ENTREP2: variants seen among roughly 807,000 people sequenced by gnomAD.
ENTREP2 encodes protein ENTREP2.
chr15:29,194,409 T>G, the ENTREP2 span, among the ~76,000 whole-genome samples: 1 of 152,252 alleles, frequency 6.6e-6, no homozygotes, highest in Non-Finnish European at 1.5e-5. Context: ...CCACCAGTTT[T>G]GATAGTTCCT....
chr15:29,299,748 A>C, the ENTREP2 span, among the ~76,000 whole-genome samples: 5 of 152,112 alleles, frequency 3.3e-5, no homozygotes, highest in African/African-American at 4.8e-5. Context: ...TGAGGATGTA[A>C]GCTTCATGAG....
At chr15:29,226,924 T>C in the ENTREP2 span, among the ~76,000 whole-genome samples, 1 of 152,210 alleles carries the variant, frequency 6.6e-6, no homozygotes, top group East Asian at 1.9e-4. Flanking sequence ...TTAAAAATAG[T>C]AACAAACAGA....
the ENTREP2 span, among the ~76,000 whole-genome samples, chr15:29,119,162 C>T: frequency 6.6e-6 from 1 of 152,222 alleles, no homozygotes; most frequent in Non-Finnish European, 1.5e-5. Flanking sequence ...CCTCCCTCTT[C>T]CCAGAAAGTA....
chr15:29,466,124 T>G, the ENTREP2 span, among the ~76,000 whole-genome samples: 15 of 152,260 alleles, frequency 9.9e-5, no homozygotes, highest in Non-Finnish European at 1.8e-4. Context: ...AAAACCAAGA[T>G]GATGGCATGA....
chr15:29,462,615 C>CTAA, the ENTREP2 span, among the ~76,000 whole-genome samples: 811 of 151,564 alleles, frequency 5.4e-3, 6 homozygotes, highest in Non-Finnish European at 7.1e-3. Context: ...GATCTCAAAA[C>CTAA]TAATAATAAT....
the ENTREP2 span, among the ~76,000 whole-genome samples, chr15:29,645,180 T>C: frequency 6.6e-6 from 1 of 152,206 alleles, no homozygotes; most frequent in Non-Finnish European, 1.5e-5. Context: ...AAGAAATCCA[T>C]GGCCCTCCAA....
chr15:29,273,065 C>T, the ENTREP2 span, among the ~76,000 whole-genome samples: 1 of 152,026 alleles, frequency 6.6e-6, no homozygotes, highest in African/African-American at 2.4e-5. Context: ...GCATTTAGAG[C>T]GGGTGAGGGT....
chr15:29,368,002 CA>C, the ENTREP2 span, among the ~76,000 whole-genome samples: 3,198 of 98,932 alleles, frequency 0.032, 103 homozygotes, highest in African/African-American at 0.095. Flanking sequence ...CATATTCAGG[CA>C]AAAAAAAAAA....
At chr15:29,387,917 C>T in the ENTREP2 span, among the ~76,000 whole-genome samples, 14,471 of 151,998 alleles carry the variant, frequency 0.095, 1,894 homozygotes, top group African/African-American at 0.3. Flanking sequence ...GCTAGCCATA[C>T]GTAGAAAGCT....
At chr15:29,545,238 C>T in the ENTREP2 span, among the ~76,000 whole-genome samples, 20 of 152,206 alleles carry the variant, frequency 1.3e-4, no homozygotes, top group Admixed American at 1.2e-3. Context: ...ATACATAATG[C>T]AATTATGGAA....
At chr15:29,623,484 A>G in the ENTREP2 span, among the ~76,000 whole-genome samples, 3 of 152,236 alleles carry the variant, frequency 2.0e-5, no homozygotes, top group Non-Finnish European at 4.4e-5. Flanking sequence ...TCATGCAGCA[A>G]GTAAACGTGA....
the ENTREP2 span, among the ~76,000 whole-genome samples, chr15:29,343,030 G>GGGC: frequency 6.7e-6 from 1 of 148,892 alleles, no homozygotes; most frequent in South Asian, 2.2e-4. Context: ...AAAGGAATGG[G>GGGC]GGGGGTGGTT....
chr15:29,286,658 C>T, the ENTREP2 span, among the ~76,000 whole-genome samples: 1 of 152,230 alleles, frequency 6.6e-6, no homozygotes, highest in Admixed American at 6.5e-5. Flanking sequence ...CACTGTAGTG[C>T]TCTCCTTGCA....
At chr15:29,371,046 A>C in the ENTREP2 span, among the ~76,000 whole-genome samples, 65 of 152,178 alleles carry the variant, frequency 4.3e-4, no homozygotes, top group Admixed American at 4.2e-3. Context: ...CATCATCATC[A>C]TCATCTGTCA....
At chr15:29,378,465 A>G in the ENTREP2 span, among the ~76,000 whole-genome samples, 32 of 152,306 alleles carry the variant, frequency 2.1e-4, no homozygotes, top group African/African-American at 7.0e-4. Flanking sequence ...CTGTGAAAGT[A>G]TTTTTGTAGA....
chr15:29,220,845 A>G, the ENTREP2 span, among the ~76,000 whole-genome samples: 9 of 151,354 alleles, frequency 5.9e-5, no homozygotes, highest in African/African-American at 2.2e-4. Context: ...TTTCATTTCT[A>G]GCATCAGATA....
the ENTREP2 span, among the ~76,000 whole-genome samples, chr15:29,128,206 G>A: frequency 2.6e-5 from 4 of 152,132 alleles, no homozygotes; most frequent in Non-Finnish European, 5.9e-5. Context: ...CTTGGCCTCC[G>A]TGCCCTTTCT....
the ENTREP2 span, among the ~76,000 whole-genome samples, chr15:29,489,327 G>A: frequency 1.3e-5 from 2 of 152,230 alleles, no homozygotes; most frequent in East Asian, 1.9e-4. Context: ...AATATCAAAA[G>A]GTAATGTAAT....
At chr15:29,608,430 G>T in the ENTREP2 span, among the ~76,000 whole-genome samples, 1 of 151,662 alleles carries the variant, frequency 6.6e-6, no homozygotes, top group South Asian at 2.1e-4. Flanking sequence ...CTCTCCCAGC[G>T]CTTTCTCCTG....
Sources: gnomAD v4.1 joint callset for allele counts (sites outside exome capture counted in the v4.1 genomes callset) on GRCh38, gnomAD v4.1.1 for gene constraint, MANE v1.5 for transcripts, NCBI Gene and HGNC (gene_info 2026-07-23, HGNC 2026-07-21) for gene names.